The following ADAP1 variants were observed in gnomAD, a reference collection of about 807,000 sequenced individuals.
The protein encoded by ADAP1 is arf-GAP with dual PH domain-containing protein 1.
ADAP1 carries 31 observed loss-of-function variants against 54.9 expected under a neutral mutation model. The observed-to-expected ratio is 0.56, with a 90% CI of 0.42 to 0.76. The LOEUF (loss-of-function observed/expected upper bound fraction) is 0.76. Ranked by LOEUF, ADAP1 falls within the 30% of genes least tolerant of loss-of-function variation. ADAP1 has a pLI of 0.00. For synonymous variants in ADAP1, 313 were observed against 202.6 expected, an observed-to-expected ratio of 1.55 and a Z score of -4.63; for missense variants, 535 against 512.4, an observed-to-expected ratio of 1.04 and a Z score of -0.42.
At chr7:904,397 T>A (rs146749957) in intron 5 of ADAP1, 125 bp from the exon 6 acceptor site, 5 of 1,270,774 alleles carry the variant, frequency 3.9e-6, no homozygotes, top group Non-Finnish European at 5.3e-6. Context: ...GGCAAGTTAC[T>A]TAAGCGCTCT....
intron 2 of ADAP1, among the ~76,000 whole-genome samples, chr7:929,156 G>T (rs550825918): frequency 6.6e-6 from 1 of 152,210 alleles, no homozygotes; most frequent in East Asian, 1.9e-4. Context: ...GCCGGGCGTG[G>T]TGGTGCACGC....
At position 900,083 on chromosome 7, in the gene ADAP1, G is replaced by A. The variant is rs376891756; in HGVS notation, c.795+19C>T. ...GGCGTACCCCAGGCCACCCCAGGCC[G>A]CACGTGCGGCACACCCACCTTGGGC... On this transcript the variant is annotated intron_variant, in intron 8 of 10. Transcript: ENST00000265846. 1.3e-4 allele frequency: 214 copies of A among 1,612,668 alleles called. 1 individual carries two copies. The highest frequency in any genetic ancestry group is 1.7e-4 in the Middle Eastern group (1 of 6,060).
At chr7:930,101 CAAA>C (rs1170304660) in intron 2 of ADAP1, among the ~76,000 whole-genome samples, 241 of 33,240 alleles carry the variant, frequency 7.3e-3, no homozygotes, top group African/African-American at 0.014. Flanking sequence ...AAGACTGTCT[CAAA>C]AAAAAAAAAA....
chr7:920,059 AGAG>A lies in ADAP1; in HGVS notation c.306-12_306-10del. The A allele has an allele frequency of 6.2e-7, 1 of 1,600,004 alleles. No homozygotes were observed. ...ACTGCTCTCGAAGGAGCCTGTGGGG[AGAG>A]GAGAGACTGAGCCACTGGGCCAAGG... is the stretch of plus-strand genomic sequence containing the variant. On this transcript the variant is annotated splice_polypyrimidine_tract_variant and intron_variant, in intron 3 of 10. Transcript: ENST00000265846. The surrounding 1 kb of genome is among the most constrained non-coding windows in gnomAD (Gnocchi z 4.5).
At chr7:900,478 C>CCCCCA in intron 7 of ADAP1, 55 bp downstream of exon 7, 1 of 1,361,508 alleles carries the variant, frequency 7.3e-7, no homozygotes, top group Non-Finnish European at 1.0e-6. Flanking sequence ...CTCCGTCCAC[C>CCCCCA]CCCCACCCCA....
At position 898,541 on chromosome 7, in the gene ADAP1, G is replaced by A; in HGVS notation, c.*380C>T. On this transcript the variant is annotated 3_prime_UTR_variant, in exon 11 of 11. Transcript: ENST00000265846. ...GCGGCCGGCAGCTGCCCACCGTGCT[G>A]GCCCCAAGCAGGGCTCTGCGCTGAG... 3.1e-6 allele frequency: 1 copy of A among 321,554 alleles called. No individual in the cohort carries two copies. Among genetic ancestry groups the A allele is most frequent in the Admixed American group, 4.2e-5 (1 of 23,734 alleles). The allele number at this position is 321,554 out of a possible 1,614,324, so 19.9% of individuals were successfully genotyped here. A position where few individuals can be genotyped will look rare whatever the true frequency, so the allele number is the denominator to read the frequency against.
Position 908,979 on chromosome 7 carries a change from C to T in ADAP1, c.389-3807G>A, listed in dbSNP as rs1583141488. On this transcript the variant is annotated intron_variant, in intron 4 of 10. Transcript: ENST00000265846. ...CTCCCTAGGCCACAGGGTGGGGACG[C>T]GCCCCTGCCATGCCCGCCGCGCCCA... 2.6e-5 allele frequency among the ~76,000 whole-genome samples: 4 copies of T among 152,258 alleles called. 1 individual carries two copies. In the South Asian group the frequency reaches 8.3e-4, roughly 32 times the overall value.
Position 899,255 on chromosome 7 carries a change from A to G in ADAP1, c.874T>C (p.Phe292Leu). The G allele has an allele frequency of 6.2e-7, 1 of 1,612,712 alleles. No homozygotes were observed. Among genetic ancestry groups the G allele is most frequent in the Non-Finnish European group, 8.5e-7 (1 of 1,179,914 alleles). The change falls in exon 10 of 11, where the codon TTC (phenylalanine) becomes CTC (leucine). Residue 292 changes from phenylalanine to leucine, a missense_variant. By Grantham distance (22) the Phe-to-Leu change is conservative. Coordinates refer to ENST00000265846, the MANE Select transcript of ADAP1 (RefSeq NM_006869.4). ...CCAATGAAGACTTCCCCTCGGGCGAAGGCGTCCTGTGGGTGGGGACCGCAC... is the reference window on the plus strand; with the variant it reads ...CCAATGAAGACTTCCCCTCGGGCGAGGGCGTCCTGTGGGTGGGGACCGCAC... ...LMYFKDPLDAFARGEVFIGSK... is the reference protein window; with the variant it reads ...LMYFKDPLDALARGEVFIGSK...
intron 5 of ADAP1, 59 bp from the exon 6 acceptor site, chr7:904,331 AG>A: frequency 6.6e-7 from 1 of 1,519,156 alleles, no homozygotes; most frequent in Non-Finnish European, 8.8e-7. Context: ...TCAAGGGAGC[AG>A]GAAGGGCAGA....
In ADAP1 at chr7:938,327, T is replaced by G. The variant is rs2128109615; in HGVS notation, c.83-2822A>C. On this transcript the variant is annotated intron_variant, in intron 1 of 10. Transcript: ENST00000265846. This position sits in a 1 kb window ranked among gnomAD's most constrained non-coding sequence, Gnocchi z 4.4. The stretch of plus-strand genomic sequence containing the variant: ...TTCCAAGTAGCTGGGACCGCAGGCA[T>G]GCACCAGCATACCCAGCTAATTTTT... Among the ~76,000 whole-genome samples the G allele has an allele frequency of 1.3e-5, 2 of 152,258 alleles. No individual in the cohort carries two copies. Among genetic ancestry groups the G allele is most frequent in the Middle Eastern group, 6.8e-3 (2 of 294 alleles).
In ADAP1 at chr7:916,802, G is replaced by A. The variant is rs562767881; in HGVS notation, c.388+3166C>T. ...GGAGGAGGGCAGAGCCGACAGGACC[G>A]CTGCATGAGACCCCAGCCTGACCTG... is the stretch of plus-strand genomic sequence containing the variant. On this transcript the variant is annotated intron_variant, in intron 4 of 10. Transcript: ENST00000265846. 3.9e-3 allele frequency among the ~76,000 whole-genome samples: 598 copies of A among 152,232 alleles called. 3 individuals are homozygous for A. The highest frequency in any genetic ancestry group is 0.01 in the South Asian group (49 of 4,830).
intron 1 of ADAP1, among the ~76,000 whole-genome samples, chr7:939,169 G>A (rs962092428): frequency 5.9e-5 from 9 of 152,132 alleles, no homozygotes; most frequent in South Asian, 4.2e-4. Context: ...TTTTGTGAGC[G>A]GTCGTTGACT....
At chr7:905,415 GAAAGAGAAAGGAGAAAGGAGA>G (rs1562911769) in intron 4 of ADAP1, 5 of 86,326 alleles carry the variant, frequency 5.8e-5, no homozygotes, top group African/African-American at 3.3e-4. Flanking sequence ...GAGAAAGGGA[GAAAGAGAAAGGAGAAAGGAGA>G]AAGGGAGAAA....
intron 1 of ADAP1, among the ~76,000 whole-genome samples, chr7:939,830 CAAAA>C (rs569332179): frequency 9.8e-6 from 1 of 102,326 alleles, no homozygotes; most frequent in Non-Finnish European, 2.1e-5. Context: ...GACTTTGTCT[CAAAA>C]AAAAAAAAAA....
chr7:925,456 C>T (rs975362711), intron 3 of ADAP1, among the ~76,000 whole-genome samples: 1 of 152,072 alleles, frequency 6.6e-6, no homozygotes, highest in Non-Finnish European at 1.5e-5. Context: ...CCTCTTCCCT[C>T]CGGCCTCCCC....
At position 946,611 on chromosome 7, in the gene ADAP1, C is replaced by A. The variant is rs1847146982; in HGVS notation, c.82+7785G>T. ...GTGCTCCAGCCCCATGGCGGGAACCCCACGGTGAAGGCCATCCCCAGTCCT... is the reference window on the plus strand; with the variant it reads ...GTGCTCCAGCCCCATGGCGGGAACCACACGGTGAAGGCCATCCCCAGTCCT... On this transcript the variant is annotated intron_variant, in intron 1 of 10. Transcript: ENST00000265846. This position sits in a 1 kb window ranked among gnomAD's most constrained non-coding sequence, Gnocchi z 4.3. Among the ~76,000 whole-genome samples the A allele has an allele frequency of 6.6e-6, 1 of 151,968 alleles. No individual in the cohort carries two copies. Among genetic ancestry groups the A allele is most frequent in the Non-Finnish European group, 1.5e-5 (1 of 67,932 alleles).
At chr7:931,235 G>A (rs1231512273) in intron 2 of ADAP1, among the ~76,000 whole-genome samples, 1 of 152,200 alleles carries the variant, frequency 6.6e-6, no homozygotes, top group Non-Finnish European at 1.5e-5. Context: ...TGGGAGACAG[G>A]GAAGGAGACA....
At chr7:922,860 ACCCCCGCCC>A (rs561696439) in intron 3 of ADAP1, 226 of 13,900 alleles carry the variant, frequency 0.016, no homozygotes, top group African/African-American at 0.055. Context: ...CACCCCCGCC[ACCCCCGCCC>A]CCATTGTCTA....
intron 3 of ADAP1, among the ~76,000 whole-genome samples, chr7:921,080 A>C (rs578061357): frequency 2.6e-5 from 4 of 152,288 alleles, no homozygotes; most frequent in African/African-American, 9.6e-5. Context: ...CGGTCCCCGA[A>C]AGCAACAGAA....
Sources: gnomAD v4.1 joint callset for allele counts (sites outside exome capture counted in the v4.1 genomes callset) on GRCh38, gnomAD v4.1.1 for gene constraint, Gnocchi (gnomAD v3.1) non-coding constraint, MANE v1.5 for transcripts, NCBI Gene and HGNC (gene_info 2026-07-23, HGNC 2026-07-21) for gene names.